Variants in FOLH1 observed in about 807,000 individuals in gnomAD.
FOLH1 encodes the protein folate hydrolase 1, also known as glutamate carboxypeptidase 2.
Under a neutral mutation model 93.9 loss-of-function variants are expected in FOLH1, and 54 were observed. The ratio of observed to expected loss-of-function variants is 0.57; its 90% CI spans 0.46 to 0.72. The LOEUF (loss-of-function observed/expected upper bound fraction) is 0.72, where lower values mean the gene tolerates loss of function less well. FOLH1 is among the 30% of genes least tolerant of loss of function. The pLI, the probability that FOLH1 is intolerant of heterozygous loss-of-function variation, is 0.00. For missense variants in FOLH1, 571 were observed against 892.5 expected, an observed-to-expected ratio of 0.64 and a Z score of 4.59; for synonymous variants, 249 against 303.6, an observed-to-expected ratio of 0.82 and a Z score of 1.87.
chr11:49,186,416 A>G (rs1861390141), intron 5 of FOLH1, among the ~76,000 whole-genome samples: 2 of 152,082 alleles, frequency 1.3e-5, no homozygotes, highest in African/African-American at 4.8e-5. Context: ...AAGCACAGAA[A>G]AATTTGTTCT....
rs1858887518 is a variant in FOLH1 at position 49,169,250 on chromosome 11, T to C, written c.1317A>G (p.Ser439=). ...LGSTEWAEEN[S]RLLQERGVAY... ...CCACGCCACGCTCTTGAAGGAGTCT[T>C]GAATTCTCCTATAATAAAAAGGAAA... The change falls in exon 12 of 19, where the codon TCA becomes TCG. Residue 439 remains serine (S), a synonymous_variant. Coordinates refer to ENST00000256999, the MANE Select transcript of FOLH1 (RefSeq NM_004476.3). 1 of 1,612,992 alleles carries C rather than the reference T, an allele frequency of 6.2e-7. No individual in the cohort carries two copies. The highest frequency in any genetic ancestry group is 1.3e-5 in the African/African-American group (1 of 74,896).
chr11:49,207,970 A>AACAAAACAAG (rs1864160772), intron 1 of FOLH1: 2 of 590,338 alleles, frequency 3.4e-6, no homozygotes, highest in Admixed American at 4.4e-5. Context: ...AACAAAACAA[A>AACAAAACAAG]ACAAAAGCAA....
chr11:49,158,192 G>A (rs1293862766), intron 13 of FOLH1, 149 bp from the exon 14 acceptor site: 2 of 549,132 alleles, frequency 3.6e-6, no homozygotes, highest in African/African-American at 1.9e-5. Flanking sequence ...AGAATTATAA[G>A]TTTCTGACAA....
intron 4 of FOLH1, among the ~76,000 whole-genome samples, chr11:49,190,205 T>C (rs571619179): frequency 6.6e-6 from 1 of 152,212 alleles, no homozygotes; most frequent in Non-Finnish European, 1.5e-5. Flanking sequence ...AATGTGGCTG[T>C]CTTTTGATAT....
At position 49,173,477 on chromosome 11, in the gene FOLH1, C is replaced by T; in HGVS notation, c.1106-1G>A. 3 of 1,506,216 alleles carry T rather than the reference C, an allele frequency of 2.0e-6. No individual in the cohort carries two copies. Among genetic ancestry groups the T allele is most frequent in the South Asian group, 2.3e-5 (2 of 86,904 alleles). 93.3% of individuals were successfully genotyped at this position (1,506,216 alleles called of 1,614,324 possible). ...TGACCTCCCAGAATGACATATCTGTCTAGAAAGCATAGATACAAGATTATT... is the reference window on the plus strand; with the variant it reads ...TGACCTCCCAGAATGACATATCTGTTTAGAAAGCATAGATACAAGATTATT... On this transcript the variant is annotated splice_acceptor_variant, in intron 9 of 18. Transcript: ENST00000256999. LOFTEE classifies it high-confidence loss of function.
At chr11:49,191,249 T>G (rs2135244737) in intron 4 of FOLH1, among the ~76,000 whole-genome samples, 1 of 152,318 alleles carries the variant, frequency 6.6e-6, no homozygotes, top group South Asian at 2.1e-4. Context: ...CCTGACCTCT[T>G]GATCCGCCCC....
In FOLH1 at chr11:49,146,872, A is replaced by T. The variant is rs1360102681; in HGVS notation, c.2137T>A (p.Phe713Ile). ...GGGTCCACTTTGCTTTCAATATCAA[A>T]CAGAGCATCATAAATTCCTGGGAAT... ...ESFPGIYDAL[F>I]DIESKVDPSK... is the part of the protein sequence containing the mutation. The change falls in exon 19 of 19, where the codon TTT becomes ATT. Residue 713 changes from phenylalanine (F) to isoleucine (I), a missense_variant. Coordinates refer to ENST00000256999, the MANE Select transcript of FOLH1 (RefSeq NM_004476.3). 5.5e-5 allele frequency: 89 copies of T among 1,613,310 alleles called. No individual in the cohort carries two copies. The highest frequency in any genetic ancestry group is 7.4e-5 in the Non-Finnish European group (87 of 1,179,616).
intron 3 of FOLH1, among the ~76,000 whole-genome samples, chr11:49,195,983 G>A (rs1191738290): frequency 6.6e-6 from 1 of 152,064 alleles, no homozygotes; most frequent in Non-Finnish European, 1.5e-5. Context: ...GTGGAACCAC[G>A]TCTCTACTAA....
At chr11:49,176,887 A>T (rs960433170) in intron 7 of FOLH1, among the ~76,000 whole-genome samples, 28 of 152,002 alleles carry the variant, frequency 1.8e-4, no homozygotes, top group Non-Finnish European at 2.9e-4. Flanking sequence ...AAATGTCATT[A>T]TCTGATATTA....
chr11:49,203,247 G>A (rs918658499), intron 2 of FOLH1, among the ~76,000 whole-genome samples: 1 of 152,170 alleles, frequency 6.6e-6, no homozygotes, highest in African/African-American at 2.4e-5. Context: ...GGAAAAGGAA[G>A]AATCCCTCTA....
intron 1 of FOLH1, chr11:49,208,074 A>G (rs1425476345): frequency 3.2e-6 from 2 of 631,648 alleles, no homozygotes; most frequent in Non-Finnish European, 5.7e-6. Context: ...AACCTGAGTG[A>G]CTGTCCTACC....
intron 6 of FOLH1, 158 bp downstream of exon 6, chr11:49,185,511 G>A (rs747759000): frequency 1.2e-5 from 12 of 965,852 alleles, no homozygotes; most frequent in Non-Finnish European, 1.6e-5. Flanking sequence ...GGGGGTAAGG[G>A]GCCTGAACCA....
At chr11:49,152,578 T>C (rs1856607321) in intron 17 of FOLH1, among the ~76,000 whole-genome samples, 1 of 152,202 alleles carries the variant, frequency 6.6e-6, no homozygotes, top group African/African-American at 2.4e-5. Flanking sequence ...GGTGTATCTT[T>C]GACAACATTT....
chr11:49,198,491 A>AC (rs1316461551), intron 3 of FOLH1, among the ~76,000 whole-genome samples: 3 of 130,110 alleles, frequency 2.3e-5, no homozygotes, highest in Non-Finnish European at 3.5e-5. Flanking sequence ...CAAAAAAAAC[A>AC]AAAACAAAAA....
chr11:49,154,057 T>C lies in FOLH1; in HGVS notation c.1889-130A>G, dbSNP rs143005014. The stretch of plus-strand genomic sequence containing the variant: ...GTTTTACAAGGTATTTATATTTTTA[T>C]ATTATAAGACGTGAGCATCCATAAA... On this transcript the variant is annotated intron_variant, in intron 16 of 18. Transcript: ENST00000256999. The C allele has an allele frequency of 8.7e-4, 1,152 of 1,320,818 alleles. 3 individuals carry two copies. In the Middle Eastern group the frequency reaches 0.01, roughly 12 times the overall value. 81.8% of individuals were successfully genotyped at this position (1,320,818 alleles called of 1,614,324 possible). A position where few individuals can be genotyped will look rare whatever the true frequency, so the allele number is the denominator to read the frequency against.
chr11:49,207,948 C>CAAACA (rs74962694), intron 1 of FOLH1: 27,233 of 496,068 alleles, frequency 0.055, 855 homozygotes, highest in Middle Eastern at 0.076. Flanking sequence ...AACAAACAAA[C>CAAACA]AAACAAAACA....
intron 3 of FOLH1, among the ~76,000 whole-genome samples, chr11:49,193,512 A>T (rs766466612): frequency 5.9e-5 from 9 of 152,204 alleles, no homozygotes; most frequent in Non-Finnish European, 1.2e-4. Context: ...ATAATTACCT[A>T]GGAACAAATT....
At chr11:49,201,423 A>G (rs1863243747) in intron 2 of FOLH1, among the ~76,000 whole-genome samples, 1 of 148,712 alleles carries the variant, frequency 6.7e-6, no homozygotes, top group South Asian at 2.1e-4. Flanking sequence ...TCATTCTACC[A>G]TGTATTTTAA....
At chr11:49,188,868 T>G (rs1861708332) in intron 4 of FOLH1, among the ~76,000 whole-genome samples, 1 of 152,194 alleles carries the variant, frequency 6.6e-6, no homozygotes, top group Non-Finnish European at 1.5e-5. Flanking sequence ...CACAAATTGA[T>G]CCATCATTCA....
Sources: gnomAD v4.1 joint callset for allele counts (sites outside exome capture counted in the v4.1 genomes callset) on GRCh38, gnomAD v4.1.1 for gene constraint, MANE v1.5 for transcripts, NCBI Gene and HGNC (gene_info 2026-07-23, HGNC 2026-07-21) for gene names.